Variants in SDK1 observed in about 807,000 individuals in gnomAD.
SDK1 encodes the protein protein sidekick-1.
A neutral mutation model predicts 245.5 loss-of-function variants in SDK1; 157 were observed. The ratio of observed to expected loss-of-function variants is 0.64; its 90% confidence interval spans 0.56 to 0.73. SDK1 has a LOEUF of 0.73. Among genes scored for constraint, SDK1 ranks in the 30% least tolerant of loss-of-function variants. SDK1 has a pLI of 0.00. For missense variants in SDK1, 3,583 were observed against 3,002.3 expected, an observed-to-expected ratio of 1.19 and a Z score of -4.52; for synonymous variants, 1,647 against 1,278.5, an observed-to-expected ratio of 1.29 and a Z score of -6.15.
At chr7:3,853,651 A>T (rs577802661) in intron 5 of SDK1, among the ~76,000 whole-genome samples, 1 of 152,228 alleles carries the variant, frequency 6.6e-6, no homozygotes, top group East Asian at 1.9e-4. Context: ...CAAATCTGAG[A>T]TGCCCCAGTG....
rs1402899512 is a variant in SDK1 at position 4,113,390 on chromosome 7, G to A, written c.3536G>A (p.Ser1179Asn). The change falls in exon 24 of 45, where the codon AGC (serine) becomes AAC (asparagine). Residue 1179 changes from serine to asparagine, a missense_variant. Ser to Asn is a conservative substitution (Grantham distance 46). Transcript: ENST00000404826. ...GCCCCACCCGACGTGGCTCCAACCA[G>A]CGTCACGGTCCGTACTGCCAGTGAG... ...LQAPPDVAPT[S>N]VTVRTASETS... 1.2e-6 allele frequency: 2 copies of A among 1,613,958 alleles called. No individual in the cohort carries two copies. The highest frequency in any genetic ancestry group is 8.5e-7 in the Non-Finnish European group (1 of 1,180,034).
chr7:3,543,136 G>T (rs563681543), intron 1 of SDK1, among the ~76,000 whole-genome samples: 3 of 152,210 alleles, frequency 2.0e-5, no homozygotes, highest in Non-Finnish European at 4.4e-5. Context: ...AGTAACGGAG[G>T]TTATGCATCA....
intron 5 of SDK1, among the ~76,000 whole-genome samples, chr7:3,858,870 T>TTTA (rs1033922031): frequency 6.0e-5 from 9 of 149,398 alleles, no homozygotes; most frequent in African/African-American, 1.7e-4. Context: ...TTTTTTCTTT[T>TTTA]TTTTTTTTTT....
intron 4 of SDK1, among the ~76,000 whole-genome samples, chr7:3,704,988 A>G (rs1194005296): frequency 6.6e-6 from 1 of 152,188 alleles, no homozygotes; most frequent in Non-Finnish European, 1.5e-5. Flanking sequence ...GTCAAAGATC[A>G]GTTGATTTTA....
At chr7:3,587,979 G>T (rs916424565) in intron 1 of SDK1, among the ~76,000 whole-genome samples, 18 of 152,194 alleles carry the variant, frequency 1.2e-4, no homozygotes, top group Non-Finnish European at 2.1e-4. Context: ...GCCAATACAG[G>T]CTTGCTCTTG....
chr7:3,596,980 T>G (rs1485075279), intron 1 of SDK1, among the ~76,000 whole-genome samples: 1 of 151,946 alleles, frequency 6.6e-6, no homozygotes, highest in Non-Finnish European at 1.5e-5. Flanking sequence ...GGTATAAGAG[T>G]AGGTTACAGG....
At chr7:4,150,636 C>T (rs1780301238) in intron 30 of SDK1, among the ~76,000 whole-genome samples, 1 of 152,254 alleles carries the variant, frequency 6.6e-6, no homozygotes, top group South Asian at 2.1e-4. Context: ...CTGACTGAAC[C>T]TGAATGTAGG....
At chr7:3,353,944 T>C (rs1039269354) in intron 1 of SDK1, among the ~76,000 whole-genome samples, 7 of 152,240 alleles carry the variant, frequency 4.6e-5, no homozygotes, top group Admixed American at 2.6e-4. Flanking sequence ...AGGGAACACA[T>C]TTCATGTTGC....
At chr7:3,878,220 AAAAT>A (rs1200010181) in intron 5 of SDK1, among the ~76,000 whole-genome samples, 1 of 152,254 alleles carries the variant, frequency 6.6e-6, no homozygotes, top group African/African-American at 2.4e-5. Flanking sequence ...AGTTGTTTAA[AAAAT>A]AAATAAAGGC....
intron 4 of SDK1, among the ~76,000 whole-genome samples, chr7:3,645,718 G>C (rs747103777): frequency 1.3e-5 from 2 of 152,004 alleles, no homozygotes; most frequent in Non-Finnish European, 2.9e-5. Context: ...TGCATTCCTC[G>C]CACCCACGGG....
At chr7:4,261,800 G>T (rs1042576624) in intron 44 of SDK1, among the ~76,000 whole-genome samples, 1 of 151,904 alleles carries the variant, frequency 6.6e-6, no homozygotes, top group East Asian at 1.9e-4. Flanking sequence ...TGTGAGAGAC[G>T]GGGGCCCTGG....
At chr7:3,370,306 G>A (rs1450907817) in intron 1 of SDK1, among the ~76,000 whole-genome samples, 2 of 152,212 alleles carry the variant, frequency 1.3e-5, no homozygotes, top group Admixed American at 6.5e-5. Context: ...AGTACAGGGT[G>A]TACCAACAAA....
rs1781079813 is a variant in SDK1 at position 3,468,462 on chromosome 7, T to C, written c.299-150618T>C. ...AATTTGTCTTCCCCAAGGCAGATCA[T>C]AGAAACCAGAACCCCTTTCCCCATA... On this transcript the variant is annotated intron_variant, in intron 1 of 44. Transcript: ENST00000404826. 1.3e-5 allele frequency among the ~76,000 whole-genome samples: 2 copies of C among 152,134 alleles called. 1 individual carries two copies. The highest frequency in any genetic ancestry group is 4.8e-5 in the African/African-American group (2 of 41,434).
chr7:3,419,274 C>T (rs770488463), intron 1 of SDK1, among the ~76,000 whole-genome samples: 49 of 152,218 alleles, frequency 3.2e-4, no homozygotes, highest in Non-Finnish European at 6.0e-4. Flanking sequence ...TGAACCTAGG[C>T]ATCCTGGCTT....
chr7:3,530,965 T>C (rs759282486), intron 1 of SDK1, among the ~76,000 whole-genome samples: 1 of 152,220 alleles, frequency 6.6e-6, no homozygotes, highest in Non-Finnish European at 1.5e-5. Context: ...TGATAACGTC[T>C]GTTGAATTTT....
At chr7:3,780,741 A>T (rs1445820791) in intron 4 of SDK1, among the ~76,000 whole-genome samples, 1 of 151,800 alleles carries the variant, frequency 6.6e-6, no homozygotes, top group Admixed American at 6.6e-5. Flanking sequence ...CTGTGCAGGC[A>T]GAGACTCCCA....
intron 42 of SDK1, among the ~76,000 whole-genome samples, chr7:4,238,626 G>T (rs2128237366): frequency 6.7e-6 from 1 of 150,346 alleles, no homozygotes; most frequent in African/African-American, 2.5e-5. Flanking sequence ...TAGGCTTACT[G>T]CAACCTCCAC....
chr7:3,396,583 CT>C, intron 1 of SDK1, among the ~76,000 whole-genome samples: 1 of 151,854 alleles, frequency 6.6e-6, no homozygotes, highest in East Asian at 1.9e-4. Context: ...TCTTTACCTG[CT>C]GAATTACCCT....
rs771858133 is a variant in SDK1, at chr7:4,268,373, G to A, written c.*2989G>A. 52 of 1,054,508 alleles carry A rather than the reference G, an allele frequency of 4.9e-5. No individual in the cohort carries two copies. Among genetic ancestry groups the A allele is most frequent in the Non-Finnish European group, 5.5e-5 (48 of 868,926 alleles). 65.3% of individuals were successfully genotyped at this position (1,054,508 alleles called of 1,614,324 possible). ...GCCACACCCCCTCGGCCTCCTGCAC[G>A]GCCACCTTCTGGGTGAATCGGTCCA... On this transcript the variant is annotated 3_prime_UTR_variant, in exon 45 of 45. Coordinates refer to ENST00000404826, the MANE Select transcript of SDK1 (RefSeq NM_152744.4).
Sources: gnomAD v4.1 joint callset for allele counts (sites outside exome capture counted in the v4.1 genomes callset) on GRCh38, gnomAD v4.1.1 for gene constraint, MANE v1.5 for transcripts, NCBI Gene and HGNC (gene_info 2026-07-23, HGNC 2026-07-21) for gene names.